LRP1B: variants seen among roughly 807,000 people sequenced by gnomAD.
The protein encoded by LRP1B is LDL receptor related protein 1B.
A neutral mutation model predicts 556.6 loss-of-function variants in LRP1B; 217 were observed. That is an observed-to-expected ratio of 0.39 (90% CI 0.35 to 0.44). The LOEUF (loss-of-function observed/expected upper bound fraction) is 0.44, where lower values mean the gene tolerates loss of function less well. Ranked by LOEUF, LRP1B falls within the 20% of genes least tolerant of loss-of-function variation. LRP1B has a pLI of 1.00. For synonymous variants in LRP1B, 2,047 were observed against 1,865.8 expected, an observed-to-expected ratio of 1.10 and a Z score of -2.50; for missense variants, 5,053 against 5,620.8, an observed-to-expected ratio of 0.90 and a Z score of 3.23.
At chr2:141,136,681 G>C (rs1379494319) in intron 7 of LRP1B, among the ~76,000 whole-genome samples, 1 of 150,722 alleles carries the variant, frequency 6.6e-6, no homozygotes, top group Non-Finnish European at 1.5e-5. Context: ...TTAGGAAAAA[G>C]GTACCTATTA....
In LRP1B at chr2:140,749,263, T is replaced by G. The variant is rs184436416; in HGVS notation, c.5758+19950A>C. Among the ~76,000 whole-genome samples the G allele has an allele frequency of 4.0e-3, 615 of 152,258 alleles. 5 individuals carry two copies. The highest frequency in any genetic ancestry group is 0.013 in the African/African-American group (537 of 41,556). Reference sequence around the variant, plus strand: ...GACATTAGTGTACACTACTACAGACTTTATGAACCCTGCACACTTAGGCTA... The same window carrying G: ...GACATTAGTGTACACTACTACAGACGTTATGAACCCTGCACACTTAGGCTA... On this transcript the variant is annotated intron_variant, in intron 35 of 90. Coordinates refer to ENST00000389484, the MANE Select transcript of LRP1B (RefSeq NM_018557.3).
chr2:141,199,370 A>T (rs554457400), intron 6 of LRP1B, among the ~76,000 whole-genome samples: 4 of 152,262 alleles, frequency 2.6e-5, no homozygotes, highest in African/African-American at 9.6e-5. Flanking sequence ...TCTTCTACAT[A>T]GTTTTAATCA....
chr2:140,999,258 T>A (rs557007028), intron 15 of LRP1B, among the ~76,000 whole-genome samples: 2 of 152,226 alleles, frequency 1.3e-5, no homozygotes, highest in African/African-American at 4.8e-5. Flanking sequence ...TATAGCAGAA[T>A]TTTTAACAGC....
At chr2:140,565,496 T>C (rs1442248853) in intron 43 of LRP1B, among the ~76,000 whole-genome samples, 1 of 152,140 alleles carries the variant, frequency 6.6e-6, no homozygotes, top group Admixed American at 6.5e-5. Context: ...TTTACTTATT[T>C]ACATTTTTTG....
chr2:140,920,777 C>A (rs1267641174), intron 21 of LRP1B, among the ~76,000 whole-genome samples: 1 of 151,908 alleles, frequency 6.6e-6, no homozygotes, highest in Non-Finnish European at 1.5e-5. Context: ...TAAAGTGAAA[C>A]ATATGTTTTA....
intron 41 of LRP1B, among the ~76,000 whole-genome samples, chr2:140,608,513 T>C (rs1682951714): frequency 6.6e-6 from 1 of 152,224 alleles, no homozygotes; most frequent in Non-Finnish European, 1.5e-5. Flanking sequence ...ATTATCTTAC[T>C]CTTTCTTTTG....
chr2:141,997,204 C>T (rs1702516797), intron 1 of LRP1B, among the ~76,000 whole-genome samples: 1 of 151,970 alleles, frequency 6.6e-6, no homozygotes, highest in African/African-American at 2.4e-5. Flanking sequence ...ACTTTTTTCA[C>T]CACAACAGCC....
At chr2:141,576,902 C>T (rs13413670) in intron 2 of LRP1B, among the ~76,000 whole-genome samples, 11,130 of 151,170 alleles carry the variant, frequency 0.074, 502 homozygotes, top group Non-Finnish European at 0.1. Context: ...AAGCAATCCT[C>T]CTGTCTCTGC....
In LRP1B at chr2:140,526,335, G is replaced by A. The variant is rs759859394; in HGVS notation, c.7778C>T (p.Thr2593Met). Residue 2593 changes from threonine (T) to methionine (M), a missense_variant, in exon 48 of 91, where the codon ACG (threonine) becomes ATG (methionine). Around this residue, in one of 5 missense-constraint regions of LRP1B, gnomAD observed 3,619 missense variants for 3,931.9 expected, o/e 0.92. Coordinates refer to ENST00000389484, the MANE Select transcript of LRP1B (RefSeq NM_018557.3). ...ELDCKVSTCATVEFRCADGTC... is the reference protein window; with the variant it reads ...ELDCKVSTCAMVEFRCADGTC... ...CCCATCTGCACAGCGGAACTCAACC[G>A]TGGCACAGGTTGAAACTAGAAAAAC... 6.2e-6 allele frequency: 10 copies of A among 1,609,078 alleles called. No homozygotes were observed. The highest frequency in any genetic ancestry group is 2.7e-5 in the African/African-American group (2 of 74,812).
intron 2 of LRP1B, among the ~76,000 whole-genome samples, chr2:141,719,234 G>T (rs1692731012): frequency 5.3e-5 from 8 of 152,142 alleles, no homozygotes; most frequent in Admixed American, 3.9e-4. Context: ...ACTTTCAACA[G>T]TTAACAATCT....
chr2:141,718,567 G>A (rs1692704878), intron 2 of LRP1B, among the ~76,000 whole-genome samples: 1 of 152,006 alleles, frequency 6.6e-6, no homozygotes, highest in Non-Finnish European at 1.5e-5. Context: ...AATATTTTTT[G>A]TTCGTCTTCA....
intron 37 of LRP1B, among the ~76,000 whole-genome samples, chr2:140,714,450 G>A (rs1340575775): frequency 1.3e-5 from 2 of 152,068 alleles, no homozygotes; most frequent in Non-Finnish European, 2.9e-5. Context: ...ATCAGCTTAA[G>A]GGTCTACAAT....
At chr2:141,885,511 C>A (rs1193235747) in intron 1 of LRP1B, among the ~76,000 whole-genome samples, 2 of 152,052 alleles carry the variant, frequency 1.3e-5, no homozygotes, top group South Asian at 2.1e-4. Context: ...ACAAAAAACG[C>A]TGTGGAATGA....
intron 60 of LRP1B, among the ~76,000 whole-genome samples, chr2:140,468,058 G>A (rs1411134718): frequency 2.6e-5 from 4 of 152,146 alleles, no homozygotes; most frequent in Non-Finnish European, 5.9e-5. Context: ...GACAATGTAA[G>A]AATGACCTCA....
At chr2:141,477,702 T>C (rs191321711) in intron 3 of LRP1B, among the ~76,000 whole-genome samples, 66 of 152,266 alleles carry the variant, frequency 4.3e-4, no homozygotes, top group African/African-American at 1.6e-3. Context: ...TCATTGATTC[T>C]AGGATGACTA....
At chr2:141,126,176 T>C (rs958148881) in intron 7 of LRP1B, among the ~76,000 whole-genome samples, 1 of 151,976 alleles carries the variant, frequency 6.6e-6, no homozygotes, top group Non-Finnish European at 1.5e-5. Context: ...GGATTACAGG[T>C]GCCTGTCACC....
intron 32 of LRP1B, among the ~76,000 whole-genome samples, chr2:140,796,481 AATTTTG>A (rs1205328951): frequency 6.6e-6 from 1 of 152,060 alleles, no homozygotes; most frequent in Non-Finnish European, 1.5e-5. Context: ...TTTTCATGTA[AATTTTG>A]ATAGGCAATT....
intron 3 of LRP1B, among the ~76,000 whole-genome samples, chr2:141,423,450 A>G (rs2104968589): frequency 6.6e-6 from 1 of 152,240 alleles, no homozygotes; most frequent in African/African-American, 2.4e-5. Flanking sequence ...AAGCTGCTGC[A>G]TCAAGATTAT....
chr2:141,012,673 G>C (rs1044588688), intron 14 of LRP1B, among the ~76,000 whole-genome samples: 2 of 151,738 alleles, frequency 1.3e-5, no homozygotes, highest in African/African-American at 2.4e-5. Context: ...TTTTAATATA[G>C]TGGGAAAAAA....
Sources: allele counts gnomAD v4.1 joint callset (sites outside exome capture counted in the v4.1 genomes callset), GRCh38; gene constraint gnomAD v4.1.1; regional missense constraint gnomAD v4.1.1; transcripts MANE v1.5; gene names NCBI Gene and HGNC (gene_info 2026-07-23, HGNC 2026-07-21).